Variants in NCAM2 observed in about 807,000 individuals in gnomAD.
NCAM2 encodes N-CAM-2.
NCAM2 carries 30 observed loss-of-function variants against 98.1 expected under a neutral mutation model. That is an observed-to-expected ratio of 0.31 (90% confidence interval 0.23 to 0.41). The LOEUF (loss-of-function observed/expected upper bound fraction) is 0.41, where lower values mean the gene tolerates loss of function less well. Among genes scored for constraint, NCAM2 ranks in the 10% least tolerant of loss-of-function variants. The pLI, the probability that NCAM2 is intolerant of heterozygous loss-of-function variation, is 1.00. For synonymous variants in NCAM2, 368 were observed against 342.4 expected (o/e 1.07, Z -0.83); for missense variants, 867 against 1,005.8 (o/e 0.86, Z 1.87).
intron 16 of NCAM2, among the ~76,000 whole-genome samples, chr21:21,515,992 A>G (rs1284467244): frequency 1.3e-5 from 2 of 152,202 alleles, no homozygotes; most frequent in African/African-American, 4.8e-5. Context: ...TGTTCAGTAA[A>G]TAACTCTACA....
At chr21:21,049,769 G>A (rs1167007210) in intron 1 of NCAM2, among the ~76,000 whole-genome samples, 1 of 151,980 alleles carries the variant, frequency 6.6e-6, no homozygotes, top group Non-Finnish European at 1.5e-5. Flanking sequence ...TACTCAGGAG[G>A]CTGAGGCAGG....
intron 4 of NCAM2, chr21:21,290,121 G>A (rs964177125): frequency 6.6e-6 from 1 of 151,912 alleles, no homozygotes; most frequent in East Asian, 1.9e-4. Context: ...TGTGAAGACA[G>A]AACTGGAGAA....
intron 8 of NCAM2, among the ~76,000 whole-genome samples, chr21:21,340,301 T>C (rs891379089): frequency 2.6e-5 from 4 of 151,978 alleles, no homozygotes; most frequent in African/African-American, 9.7e-5. Context: ...CTGCATTTAA[T>C]GAATGTTACC....
chr21:21,390,472 T>C (rs1343753507), intron 9 of NCAM2, among the ~76,000 whole-genome samples: 1 of 152,106 alleles, frequency 6.6e-6, no homozygotes, highest in Non-Finnish European at 1.5e-5. Flanking sequence ...CTGAAAGGGG[T>C]ACAAAGGCAG....
intron 1 of NCAM2, among the ~76,000 whole-genome samples, chr21:21,182,168 A>G (rs1017357055): frequency 3.3e-5 from 5 of 152,216 alleles, no homozygotes; most frequent in Non-Finnish European, 5.9e-5. Flanking sequence ...ATAATTCAGC[A>G]TTAAAATTAA....
rs111325361 is a variant in NCAM2 at position 21,434,019 on chromosome 21, T to C, written c.1654+1738T>C. ...GTTAATAGGCTCCCTCCAGACTTCTTGCAAAGGTGCAGCACGATGGAGAAT... is the reference window on the plus strand; with the variant it reads ...GTTAATAGGCTCCCTCCAGACTTCTCGCAAAGGTGCAGCACGATGGAGAAT... On this transcript the variant is annotated intron_variant, in intron 12 of 17. Coordinates refer to ENST00000400546, the MANE Select transcript of NCAM2 (RefSeq NM_004540.5). Among the ~76,000 whole-genome samples, 342 of 152,270 alleles carry C rather than the reference T, an allele frequency of 2.2e-3. 3 individuals carry two copies. In the Middle Eastern group the frequency reaches 0.024, roughly 11 times the overall value.
At chr21:21,026,032 T>G (rs1369332122) in intron 1 of NCAM2, among the ~76,000 whole-genome samples, 2 of 152,162 alleles carry the variant, frequency 1.3e-5, no homozygotes, top group African/African-American at 2.4e-5. Context: ...TTATCTAAAG[T>G]CATTTAAAAG....
At chr21:21,062,985 G>A (rs2146334599) in intron 1 of NCAM2, among the ~76,000 whole-genome samples, 1 of 152,190 alleles carries the variant, frequency 6.6e-6, no homozygotes, top group Middle Eastern at 3.4e-3. Context: ...TGCAATTCAT[G>A]CTGGATAAAA....
At chr21:21,464,300 C>CCTTA (rs1230594906) in intron 12 of NCAM2, among the ~76,000 whole-genome samples, 1 of 151,946 alleles carries the variant, frequency 6.6e-6, no homozygotes, top group Non-Finnish European at 1.5e-5. Context: ...ACATGTTAGG[C>CCTTA]CTTAGGACAG....
At position 21,438,728 on chromosome 21, in the gene NCAM2, A is replaced by C. The variant is rs570816793; in HGVS notation, c.1654+6447A>C. Among the ~76,000 whole-genome samples the C allele has an allele frequency of 3.7e-4, 57 of 152,298 alleles. No homozygotes were observed. The South Asian group carries it at 0.012, about 32-fold the overall frequency. Reference sequence around the variant, plus strand: ...GCCACTTAATGAAGAGAAAATACTAATCTTACAAACAGCTACTCTTTTTTT... The same window carrying C: ...GCCACTTAATGAAGAGAAAATACTACTCTTACAAACAGCTACTCTTTTTTT... On this transcript the variant is annotated intron_variant, in intron 12 of 17. Transcript: ENST00000400546.
intron 1 of NCAM2, among the ~76,000 whole-genome samples, chr21:21,192,076 A>T (rs182819021): frequency 6.6e-6 from 1 of 152,092 alleles, no homozygotes; most frequent in East Asian, 1.9e-4. Flanking sequence ...ACAAAAGATT[A>T]TCCTGGCATG....
At chr21:21,152,660 T>C (rs2067481473) in intron 1 of NCAM2, among the ~76,000 whole-genome samples, 2 of 151,642 alleles carry the variant, frequency 1.3e-5, no homozygotes. Context: ...TTTTTTGGGG[T>C]CTGTATTGAA....
At chr21:21,367,535 A>C (rs2075817439) in intron 8 of NCAM2, among the ~76,000 whole-genome samples, 1 of 151,968 alleles carries the variant, frequency 6.6e-6, no homozygotes, top group Non-Finnish European at 1.5e-5. Context: ...ATAAACTGTC[A>C]ATTAAATAGA....
chr21:21,308,802 C>T (rs1261252895), intron 5 of NCAM2, among the ~76,000 whole-genome samples: 2 of 152,130 alleles, frequency 1.3e-5, no homozygotes, highest in Non-Finnish European at 2.9e-5. Context: ...GGATAATTTT[C>T]AGAAAATAAT....
At chr21:21,134,010 C>T (rs781735442) in intron 1 of NCAM2, among the ~76,000 whole-genome samples, 91 of 151,656 alleles carry the variant, frequency 6.0e-4, no homozygotes, top group Admixed American at 1.5e-3. Context: ...TGAATTTCTC[C>T]CTAGCCCTGG....
intron 4 of NCAM2, among the ~76,000 whole-genome samples, chr21:21,286,956 G>T (rs911951172): frequency 6.6e-6 from 1 of 151,734 alleles, no homozygotes; most frequent in Admixed American, 6.6e-5. Flanking sequence ...TTATTCTGGG[G>T]CAGTACGTTC....
intron 1 of NCAM2, among the ~76,000 whole-genome samples, chr21:21,052,150 A>ATTTTTTTTT (rs5842877): frequency 6.7e-5 from 5 of 74,808 alleles, no homozygotes; most frequent in African/African-American, 2.9e-4. Flanking sequence ...CATGATGGCC[A>ATTTTTTTTT]TTTTTTTTTT....
intron 1 of NCAM2, among the ~76,000 whole-genome samples, chr21:21,247,684 T>C (rs2071329140): frequency 6.6e-6 from 1 of 152,188 alleles, no homozygotes; most frequent in African/African-American, 2.4e-5. Context: ...AATTACAGTA[T>C]TACGTTTAAA....
At chr21:21,235,838 A>G (rs377213628) in intron 1 of NCAM2, among the ~76,000 whole-genome samples, 1 of 152,032 alleles carries the variant, frequency 6.6e-6, no homozygotes, top group Non-Finnish European at 1.5e-5. Flanking sequence ...CTTTACTGAA[A>G]TCAATCAAGG....
Sources: allele counts gnomAD v4.1 joint callset (sites outside exome capture counted in the v4.1 genomes callset), GRCh38; gene constraint gnomAD v4.1.1; transcripts MANE v1.5; gene names NCBI Gene and HGNC (gene_info 2026-07-23, HGNC 2026-07-21).